The following PTBP1 variants were observed in gnomAD, a reference collection of about 807,000 sequenced individuals.
The protein encoded by PTBP1 is polypyrimidine tract-binding protein 1.
Under a neutral mutation model 59.8 loss-of-function variants are expected in PTBP1, and 8 were observed. The ratio of observed to expected loss-of-function variants is 0.13; its 90% CI spans 0.08 to 0.24. The LOEUF (loss-of-function observed/expected upper bound fraction) is 0.24. PTBP1 is among the 10% of genes least tolerant of loss of function. The pLI is 1.00. For synonymous variants in PTBP1, 490 were observed against 320.7 expected (o/e 1.53, Z -5.64); for missense variants, 686 against 767.0 (o/e 0.89, Z 1.25).
Position 804,572 on chromosome 19 carries a change from C to T in PTBP1, c.476C>T (p.Ser159Leu), listed in dbSNP as rs141978974. 50 of 1,609,446 alleles carry T rather than the reference C, an allele frequency of 3.1e-5. No homozygotes were observed. The highest frequency in any genetic ancestry group is 4.2e-5 in the Non-Finnish European group (50 of 1,179,176). Reference sequence around the variant, plus strand: ...CTGCAGGCGGTGAACTCGGTCCAGTCGGGGAACCTGGCCTTGGCTGCCTCG... The same window carrying T: ...CTGCAGGCGGTGAACTCGGTCCAGTTGGGGAACCTGGCCTTGGCTGCCTCG... The part of the protein sequence containing the change: ...AALQAVNSVQ[S>L]GNLALAASAA... The change falls in exon 6 of 15, where the codon TCG (serine) becomes TTG (leucine). Residue 159 changes from serine to leucine, a missense_variant. Ser to Leu is a moderately radical substitution (Grantham distance 145, BLOSUM62 -2). Coordinates refer to ENST00000356948, the MANE Select transcript of PTBP1 (RefSeq NM_002819.5).
In PTBP1 at chr19:808,194, C is replaced by T. The variant is rs1238721032; in HGVS notation, c.1154-166C>T. On this transcript the variant is annotated intron_variant, in intron 11 of 14. Transcript: ENST00000356948. This position sits in a 1 kb window ranked among gnomAD's most constrained non-coding sequence, Gnocchi z 4.7. Reference sequence around the variant, plus strand: ...TATGACTTTGCTGAACGGAGCTGCTCCTGTTAGCGCGCCCTGTGGCTGCGA... The same window carrying T: ...TATGACTTTGCTGAACGGAGCTGCTTCTGTTAGCGCGCCCTGTGGCTGCGA... 1.3e-5 allele frequency: 9 copies of T among 667,540 alleles called. No homozygotes were observed. Among genetic ancestry groups the T allele is most frequent in the Non-Finnish European group, 2.4e-5 (9 of 377,236 alleles). 41.4% of individuals were successfully genotyped at this position (667,540 alleles called of 1,614,324 possible).
In PTBP1 at chr19:810,600, C is replaced by T; in HGVS notation, c.1521C>T (p.Val507=). Residue 507 remains valine (V), a synonymous_variant, in exon 14 of 15, where the codon GTC becomes GTT. Transcript: ENST00000356948. ...KVLFSSNGGV[V]KGFKFFQKDR... is the part of the protein sequence containing the mutation. ...TGTTTTCCAGCAATGGGGGCGTCGT[C>T]AAAGGATTCAAGTTCTTCCAGTGAG... The T allele has an allele frequency of 6.2e-7, 1 of 1,613,836 alleles. No individual in the cohort carries two copies. Among genetic ancestry groups the T allele is most frequent in the Middle Eastern group, 1.6e-4 (1 of 6,062 alleles).
intron 1 of PTBP1, 40 bp from the exon 2 acceptor site, chr19:799,373 G>T (rs376064943): frequency 7.5e-6 from 12 of 1,606,358 alleles, no homozygotes; most frequent in Non-Finnish European, 1.0e-5. Context: ...CTGCTGAGTG[G>T]CCACCAGGCT....
At position 805,170 on chromosome 19, in the gene PTBP1, C is replaced by G. The variant is rs753707641; in HGVS notation, c.875C>G (p.Thr292Ser). 3.1e-6 allele frequency: 5 copies of G among 1,613,392 alleles called. No individual in the cohort carries two copies. In the East Asian group the frequency reaches 1.1e-4, roughly 36 times the overall value. ...GACAGCCAGCCCTCGCTGGACCAGA[C>G]CATGGCCGCGGCCTTCGGTAAGAGG... ...SGDSQPSLDQ[T>S]MAAAFGAPGI... Residue 292 changes from threonine (T) to serine (S), a missense_variant, in exon 8 of 15, where the codon ACC becomes AGC. Physicochemically the swap from Thr to Ser is moderately conservative, Grantham distance 58 (BLOSUM62 1). Transcript: ENST00000356948.
chr19:802,958 C>T (rs1011969720), intron 2 of PTBP1, among the ~76,000 whole-genome samples: 2 of 152,194 alleles, frequency 1.3e-5, no homozygotes, highest in African/African-American at 4.8e-5. Context: ...GATCACTGGG[C>T]GGGAGGCCGT....
At position 808,262 on chromosome 19, in the gene PTBP1, T is replaced by TGAGCCGGGCC. The variant is rs1486666680; in HGVS notation, c.1154-97_1154-88dup. 6 of 1,052,886 alleles carry TGAGCCGGGCC rather than the reference T, an allele frequency of 5.7e-6. No individual in the cohort carries two copies. Among genetic ancestry groups the TGAGCCGGGCC allele is most frequent in the African/African-American group, 1.6e-5 (1 of 63,046 alleles). The allele number at this position is 1,052,886 out of a possible 1,614,324, so 65.2% of individuals were successfully genotyped here. A position where few individuals can be genotyped will look rare whatever the true frequency, so the allele number is the denominator to read the frequency against. ...GCCGATAAAGCAAACCCGGCCGGGC[T>TGAGCCGGGCC]GAGCCGGGCCTTGTGGGGGTGCGCG... On this transcript the variant is annotated intron_variant, in intron 11 of 14. Transcript: ENST00000356948. The surrounding 1 kb of genome is among the most constrained non-coding windows in gnomAD (Gnocchi z 4.7).
In PTBP1 at chr19:809,989, C is replaced by T. The variant is rs576194208; in HGVS notation, c.1464-554C>T. On this transcript the variant is annotated intron_variant, in intron 13 of 14. Transcript: ENST00000356948. ...GTAGTAAGCCCTTTGATATTTAACA[C>T]GTTACTTGTGAAATGTTATCAGAAA... 3.9e-5 allele frequency among the ~76,000 whole-genome samples: 6 copies of T among 152,284 alleles called. No individual in the cohort carries two copies. In the South Asian group the frequency reaches 6.2e-4, roughly 16 times the overall value.
chr19:809,376 T>C (rs2034744910), intron 13 of PTBP1, among the ~76,000 whole-genome samples: 1 of 151,550 alleles, frequency 6.6e-6, no homozygotes, highest in Admixed American at 6.6e-5. Flanking sequence ...CAGGCTGGAG[T>C]GCAGTGGCGG....
At chr19:797,826 C>T (rs1380148977) in intron 1 of PTBP1, among the ~76,000 whole-genome samples, 2 of 148,560 alleles carry the variant, frequency 1.3e-5, no homozygotes, top group Non-Finnish European at 3.0e-5. Flanking sequence ...CGGCGCGCGG[C>T]CCTTCCCGCT....
chr19:805,753 G>A, intron 9 of PTBP1, 184 bp downstream of exon 9: 1 of 613,170 alleles, frequency 1.6e-6, no homozygotes, highest in Non-Finnish European at 2.9e-6. Context: ...GGTAGGACAG[G>A]GCTGTGGAGG....
At chr19:803,982 C>G (rs1172689679) in intron 3 of PTBP1, 54 bp from the exon 4 acceptor site, 1 of 1,604,962 alleles carries the variant, frequency 6.2e-7, no homozygotes, top group Non-Finnish European at 8.5e-7. Context: ...CAGGGACCTT[C>G]CTCTGTGGGC....
intron 2 of PTBP1, among the ~76,000 whole-genome samples, chr19:801,277 G>C (rs2034320779): frequency 6.6e-6 from 1 of 152,234 alleles, no homozygotes; most frequent in African/African-American, 2.4e-5. Flanking sequence ...GGCCCAGCTC[G>C]TGTCTCCTGG....
intron 2 of PTBP1, among the ~76,000 whole-genome samples, chr19:800,703 A>G (rs1286509580): frequency 6.6e-6 from 1 of 152,212 alleles, no homozygotes; most frequent in Non-Finnish European, 1.5e-5. Context: ...CTGTTTGTTC[A>G]GTGTGGGAGG....
At position 802,880 on chromosome 19, in the gene PTBP1, G is replaced by T. The variant is rs544325328; in HGVS notation, c.40-681G>T. 3.1e-4 allele frequency among the ~76,000 whole-genome samples: 47 copies of T among 152,330 alleles called. 1 individual carries two copies. The South Asian group carries it at 9.7e-3, about 32-fold the overall frequency. The stretch of plus-strand genomic sequence containing the variant: ...AATAGATTGTTTCTGGAGAGAAAAT[G>T]GACAGGTCAGAAGTGATGGAGCCGC... On this transcript the variant is annotated intron_variant, in intron 2 of 14. Coordinates refer to ENST00000356948, the MANE Select transcript of PTBP1 (RefSeq NM_002819.5).
rs928785388 is a variant in PTBP1 at position 811,152 on chromosome 19, C to A, written c.*326C>A. On this transcript the variant is annotated 3_prime_UTR_variant, in exon 15 of 15. Transcript: ENST00000356948. ...GGCGCCCCGACCACGACTTGGCTTC[C>A]TTGTGCCTTAAAAAACCTGCCTTCC... The A allele has an allele frequency of 2.6e-5, 6 of 228,240 alleles. No homozygotes were observed. The highest frequency in any genetic ancestry group is 4.2e-5 in the Non-Finnish European group (5 of 118,242). The allele number at this position is 228,240 out of a possible 1,614,324, so 14.1% of individuals were successfully genotyped here. A position where few individuals can be genotyped will look rare whatever the true frequency, so the allele number is the denominator to read the frequency against.
Position 811,223 on chromosome 19 carries a change from G to A in PTBP1, c.*397G>A, listed in dbSNP as rs6698. On this transcript the variant is annotated 3_prime_UTR_variant, in exon 15 of 15. Transcript: ENST00000356948. ...GGGTGTCCTGGGGACCCAAGGGGTG[G>A]GGGGGTCACACCAGAGAGAGGCAGG... 13,396 of 158,542 alleles carry A rather than the reference G, an allele frequency of 0.084. 1,929 individuals are homozygous for A. The highest frequency in any genetic ancestry group is 0.3 in the African/African-American group (12,495 of 41,704). 9.8% of individuals were successfully genotyped at this position (158,542 alleles called of 1,614,324 possible).
chr19:808,859 G>T lies in PTBP1; in HGVS notation c.1463+97G>T. 1 of 1,226,050 alleles carries T rather than the reference G, an allele frequency of 8.2e-7. No individual in the cohort carries two copies. Among genetic ancestry groups the T allele is most frequent in the Non-Finnish European group, 1.2e-6 (1 of 859,870 alleles). 75.9% of individuals were successfully genotyped at this position (1,226,050 alleles called of 1,614,324 possible). A position where few individuals can be genotyped will look rare whatever the true frequency, so the allele number is the denominator to read the frequency against. ...GGTGTGTGGACTTCTGGCGTTTCCA[G>T]AGTGCAGGTCGGGCACCTCTTACCC... On this transcript the variant is annotated intron_variant, in intron 13 of 14. Coordinates refer to ENST00000356948, the MANE Select transcript of PTBP1 (RefSeq NM_002819.5). This position sits in a 1 kb window ranked among gnomAD's most constrained non-coding sequence, Gnocchi z 4.7.
chr19:809,769 G>C (rs146659382), intron 13 of PTBP1, among the ~76,000 whole-genome samples: 1 of 152,172 alleles, frequency 6.6e-6, no homozygotes, highest in Non-Finnish European at 1.5e-5. Context: ...TGGTGTGCAC[G>C]TCAGGTCCCA....
chr19:805,382 A>G (rs1309023047), intron 8 of PTBP1, 110 bp from the exon 9 acceptor site: 6 of 1,253,472 alleles, frequency 4.8e-6, no homozygotes, highest in Non-Finnish European at 5.7e-6. Flanking sequence ...TCTGCCCGCG[A>G]AGGCTCTGCC....
Sources: allele counts gnomAD v4.1 joint callset (sites outside exome capture counted in the v4.1 genomes callset), GRCh38; gene constraint gnomAD v4.1.1; non-coding constraint Gnocchi (gnomAD v3.1); transcripts MANE v1.5; gene names NCBI Gene and HGNC (gene_info 2026-07-23, HGNC 2026-07-21).